Variants in HECA observed in about 807,000 individuals in gnomAD.
HECA encodes headcase protein homolog.
A neutral mutation model predicts 37.6 loss-of-function variants in HECA; 13 were observed. The observed-to-expected ratio is 0.35, with a 90% confidence interval of 0.23 to 0.55. The LOEUF (loss-of-function observed/expected upper bound fraction) is 0.55. HECA is among the 20% of genes least tolerant of loss of function. HECA has a pLI of 0.90. For synonymous variants in HECA, 307 were observed against 291.5 expected, an observed-to-expected ratio of 1.05 and a Z score of -0.54; for missense variants, 527 against 701.9, an observed-to-expected ratio of 0.75 and a Z score of 2.82.
intron 2 of HECA, among the ~76,000 whole-genome samples, chr6:139,171,276 A>G (rs1172560668): frequency 1.3e-5 from 2 of 152,228 alleles, no homozygotes; most frequent in African/African-American, 4.8e-5. Context: ...CCAAATCTTG[A>G]GAGTACCTTT....
At chr6:139,166,241 A>G in intron 1 of HECA, 43 bp from the exon 2 acceptor site, 8 of 1,503,646 alleles carry the variant, frequency 5.3e-6, no homozygotes, top group Non-Finnish European at 7.2e-6. Flanking sequence ...AGTACCCCTA[A>G]TCCAAAAATC....
At chr6:139,143,859 CAA>C (rs59382752) in intron 1 of HECA, among the ~76,000 whole-genome samples, 5 of 135,472 alleles carry the variant, frequency 3.7e-5, no homozygotes, top group Middle Eastern at 4.0e-3. Flanking sequence ...GACTCTGTCT[CAA>C]AAAAAAAAAA....
intron 1 of HECA, among the ~76,000 whole-genome samples, chr6:139,143,312 T>A (rs1774537995): frequency 6.6e-6 from 1 of 152,278 alleles, no homozygotes; most frequent in African/African-American, 2.4e-5. Context: ...AATTTTGTGG[T>A]TTGTTCAACC....
intron 1 of HECA, among the ~76,000 whole-genome samples, chr6:139,150,088 A>G (rs959188616): frequency 6.6e-6 from 1 of 152,194 alleles, no homozygotes; most frequent in Non-Finnish European, 1.5e-5. Flanking sequence ...ACCTGCCTCT[A>G]GGGCCATATG....
chr6:139,176,886 G>A lies in HECA; in HGVS notation c.1468-55G>A. On this transcript the variant is annotated intron_variant, in intron 3 of 3. Transcript: ENST00000367658. This position sits in a 1 kb window ranked among gnomAD's most constrained non-coding sequence, Gnocchi z 4.5. ...CCAGCATTTTGGTTTGGATGACTTT[G>A]ACAAGTGTTGGGAAGTGGAGGGGTG... 1.2e-6 allele frequency: 1 copy of A among 825,098 alleles called. No homozygotes were observed. The highest frequency in any genetic ancestry group is 1.4e-5 in the South Asian group (1 of 72,604). The allele number at this position is 825,098 out of a possible 1,614,324, so 51.1% of individuals were successfully genotyped here. A position where few individuals can be genotyped will look rare whatever the true frequency, so the allele number is the denominator to read the frequency against.
chr6:139,164,409 A>C (rs1169926356), intron 1 of HECA, among the ~76,000 whole-genome samples: 2 of 152,126 alleles, frequency 1.3e-5, no homozygotes, highest in Non-Finnish European at 2.9e-5. Flanking sequence ...GGTGGGCTAC[A>C]GATACTGAGT....
At chr6:139,145,041 A>C (rs1015976918) in intron 1 of HECA, among the ~76,000 whole-genome samples, 1 of 152,234 alleles carries the variant, frequency 6.6e-6, no homozygotes, top group Admixed American at 6.5e-5. Context: ...ACCTAGGTAG[A>C]AAGTGTATAT....
intron 1 of HECA, chr6:139,144,496 G>A (rs1252546204): frequency 6.5e-6 from 1 of 152,808 alleles, no homozygotes; most frequent in African/African-American, 2.4e-5. Context: ...CTTGAGTTCT[G>A]GTTGCTCCAG....
chr6:139,149,109 T>C (rs554855576), intron 1 of HECA, among the ~76,000 whole-genome samples: 17 of 152,312 alleles, frequency 1.1e-4, no homozygotes, highest in Admixed American at 9.2e-4. Context: ...GAACTGAAAT[T>C]ACATGTGTAT....
At chr6:139,135,869 C>T (rs1437759308) in intron 1 of HECA, among the ~76,000 whole-genome samples, 2 of 151,702 alleles carry the variant, frequency 1.3e-5, no homozygotes, top group Non-Finnish European at 2.9e-5. Flanking sequence ...TGCCCGGTGT[C>T]CGCGCGGGGG....
Position 139,166,615 on chromosome 6 carries a change from AAAG to A in HECA, c.610_612del (p.Lys204del), listed in dbSNP as rs747594392. 22 of 1,614,246 alleles carry A rather than the reference AAAG, an allele frequency of 1.4e-5. No homozygotes were observed. The highest frequency in any genetic ancestry group is 8.8e-5 in the South Asian group (8 of 91,092). ...AGGTGAAGCGGATGCAGGACGAGAA[AAAG>A]AAGAAGTCTGGCTCCGAGAAGAACA... On this transcript the variant is annotated inframe_deletion, in exon 2 of 4. Transcript: ENST00000367658.
At chr6:139,140,323 C>G (rs578033775) in intron 1 of HECA, among the ~76,000 whole-genome samples, 1 of 152,258 alleles carries the variant, frequency 6.6e-6, no homozygotes, top group South Asian at 2.1e-4. Flanking sequence ...CATTTTCTTG[C>G]CTTATCTAGA....
At chr6:139,141,295 A>G (rs1774509925) in intron 1 of HECA, among the ~76,000 whole-genome samples, 1 of 152,226 alleles carries the variant, frequency 6.6e-6, no homozygotes, top group African/African-American at 2.4e-5. Context: ...AAAACTTTTA[A>G]AAGTACATAT....
chr6:139,136,654 T>TC (rs2114428532), intron 1 of HECA, among the ~76,000 whole-genome samples: 1 of 151,850 alleles, frequency 6.6e-6, no homozygotes, highest in East Asian at 1.9e-4. Flanking sequence ...TTTTTTTTTT[T>TC]AGACGGAGTT....
At chr6:139,152,042 C>G (rs1166620013) in intron 1 of HECA, among the ~76,000 whole-genome samples, 1 of 152,196 alleles carries the variant, frequency 6.6e-6, no homozygotes, top group African/African-American at 2.4e-5. Context: ...TTCTGTGAAA[C>G]TTTGATACTT....
In HECA at chr6:139,176,838, T is replaced by G. The variant is rs1775058345; in HGVS notation, c.1468-103T>G. The G allele has an allele frequency of 2.8e-6, 2 of 709,412 alleles. No homozygotes were observed. The highest frequency in any genetic ancestry group is 5.4e-5 in the East Asian group (2 of 36,844). The allele number at this position is 709,412 out of a possible 1,614,324, so 43.9% of individuals were successfully genotyped here. On this transcript the variant is annotated intron_variant, in intron 3 of 3. Coordinates refer to ENST00000367658, the MANE Select transcript of HECA (RefSeq NM_016217.3). The surrounding 1 kb of genome is among the most constrained non-coding windows in gnomAD (Gnocchi z 4.5). The stretch of plus-strand genomic sequence containing the variant: ...TGTTTTTGGTAGTAAAAGGGATGCT[T>G]TGCAAAGCCCTTGATCAGTTTCCCA...
chr6:139,143,844 A>C (rs1296081045), intron 1 of HECA, among the ~76,000 whole-genome samples: 1 of 141,164 alleles, frequency 7.1e-6, no homozygotes, highest in Non-Finnish European at 1.5e-5. Flanking sequence ...CTGGTGACAG[A>C]GCGAGACTCT....
chr6:139,171,743 C>T (rs1490509619), intron 2 of HECA, among the ~76,000 whole-genome samples: 1 of 152,142 alleles, frequency 6.6e-6, no homozygotes, highest in Non-Finnish European at 1.5e-5. Flanking sequence ...CCTCCTGCCC[C>T]AGCTTCTCCA....
intron 1 of HECA, among the ~76,000 whole-genome samples, chr6:139,155,195 A>G (rs900506289): frequency 1.3e-4 from 20 of 152,246 alleles, no homozygotes; most frequent in African/African-American, 4.8e-4. Context: ...ACTGTAGGCA[A>G]TTGGAACACA....
Sources: gnomAD v4.1 joint callset for allele counts (sites outside exome capture counted in the v4.1 genomes callset) on GRCh38, gnomAD v4.1.1 for gene constraint, Gnocchi (gnomAD v3.1) non-coding constraint, MANE v1.5 for transcripts, NCBI Gene and HGNC (gene_info 2026-07-23, HGNC 2026-07-21) for gene names.